Variants in TRPC4 observed in about 807,000 individuals in gnomAD.
The protein encoded by TRPC4 is transient receptor potential cation channel subfamily C member 4, also known as short transient receptor potential channel 4.
TRPC4 carries 49 observed loss-of-function variants against 99.4 expected under a neutral mutation model. The observed-to-expected ratio is 0.49, with a 90% CI of 0.39 to 0.63. The LOEUF (loss-of-function observed/expected upper bound fraction) is 0.63, where lower values mean the gene tolerates loss of function less well. Ranked by LOEUF, TRPC4 falls within the 20% of genes least tolerant of loss-of-function variation. TRPC4 has a pLI of 0.00. For synonymous variants in TRPC4, 454 were observed against 425.9 expected, an observed-to-expected ratio of 1.07 and a Z score of -0.81; for missense variants, 898 against 1,152.9, an observed-to-expected ratio of 0.78 and a Z score of 3.20.
Position 37,655,218 on chromosome 13 carries a change from T to C in TRPC4, c.1754A>G (p.Asn585Ser). 1 of 1,609,392 alleles carries C rather than the reference T, an allele frequency of 6.2e-7. No homozygotes were observed. Among genetic ancestry groups the C allele is most frequent in the Non-Finnish European group, 8.5e-7 (1 of 1,177,402 alleles). ...AGTAAATTCATGCTGTGCTTTGACA[T>C]TGGTCACATATAAATTGATGAGCCC... ...IFGLINLYVT[N>S]VKAQHEFTEF... Residue 585 changes from asparagine to serine, a missense_variant, in exon 7 of 11, where the codon AAT (asparagine) becomes AGT (serine). By Grantham distance (46) the Asn-to-Ser change is conservative (BLOSUM62 1). Coordinates refer to ENST00000379705, the MANE Select transcript of TRPC4 (RefSeq NM_016179.4).
intron 1 of TRPC4, among the ~76,000 whole-genome samples, chr13:37,817,610 G>A (rs189365905): frequency 1.9e-4 from 29 of 151,906 alleles, no homozygotes; most frequent in African/African-American, 5.3e-4. Flanking sequence ...CAAAGCAGGA[G>A]GCATCATGCT....
chr13:37,833,635 T>C (rs2139603428), intron 1 of TRPC4, among the ~76,000 whole-genome samples: 1 of 152,170 alleles, frequency 6.6e-6, no homozygotes, highest in East Asian at 1.9e-4. Context: ...CCTGCAAACC[T>C]AATTTTATGG....
At chr13:37,862,585 A>G (rs1959439236) in intron 1 of TRPC4, among the ~76,000 whole-genome samples, 1 of 151,640 alleles carries the variant, frequency 6.6e-6, no homozygotes, top group Non-Finnish European at 1.5e-5. Flanking sequence ...TACTCATTGT[A>G]ATATAATTTA....
At chr13:37,789,795 T>A (rs182214149) in intron 1 of TRPC4, among the ~76,000 whole-genome samples, 7 of 152,230 alleles carry the variant, frequency 4.6e-5, no homozygotes, top group East Asian at 1.9e-4. Context: ...GGCTAGCTCA[T>A]GGCTCAGAAA....
chr13:37,835,999 T>C (rs1475733390), intron 1 of TRPC4, among the ~76,000 whole-genome samples: 1 of 147,172 alleles, frequency 6.8e-6, no homozygotes, highest in Non-Finnish European at 1.5e-5. Context: ...AATTGAATCA[T>C]GGGGGCAAGT....
At chr13:37,651,507 G>A (rs1952041675) in intron 7 of TRPC4, 48 bp from the exon 8 acceptor site, 2 of 1,546,122 alleles carry the variant, frequency 1.3e-6, no homozygotes, top group South Asian at 2.2e-5. Flanking sequence ...TAATTAACAA[G>A]GTACCATAAA....
At chr13:37,691,654 A>T (rs1953716041) in intron 4 of TRPC4, among the ~76,000 whole-genome samples, 1 of 152,160 alleles carries the variant, frequency 6.6e-6, no homozygotes, top group Admixed American at 6.5e-5. Context: ...CTTTTAGAAG[A>T]CTTATCTATT....
At chr13:37,795,271 A>G (rs565848868) in intron 1 of TRPC4, among the ~76,000 whole-genome samples, 12 of 152,276 alleles carry the variant, frequency 7.9e-5, no homozygotes, top group Non-Finnish European at 1.3e-4. Flanking sequence ...CTGAGGATGT[A>G]AAGTCACATA....
intron 1 of TRPC4, among the ~76,000 whole-genome samples, chr13:37,813,303 CTTAAA>C (rs969798216): frequency 3.3e-5 from 5 of 151,478 alleles, no homozygotes; most frequent in African/African-American, 1.2e-4. Flanking sequence ...TGATATATAT[CTTAAA>C]TTAATATCAT....
chr13:37,708,267 A>G (rs111600038), intron 3 of TRPC4, among the ~76,000 whole-genome samples: 3 of 152,250 alleles, frequency 2.0e-5, no homozygotes, highest in African/African-American at 7.2e-5. Context: ...GCTCTTCTCT[A>G]GTGCTGGAAA....
chr13:37,865,300 C>T (rs1229397793), intron 1 of TRPC4, among the ~76,000 whole-genome samples: 1 of 151,420 alleles, frequency 6.6e-6, no homozygotes, highest in Non-Finnish European at 1.5e-5. Context: ...CTAACATGGC[C>T]TAGCATGACC....
In TRPC4 at chr13:37,799,005, C is replaced by T. The variant is rs150588755; in HGVS notation, c.-27-15645G>A. 4.6e-3 allele frequency among the ~76,000 whole-genome samples: 691 copies of T among 150,820 alleles called. 3 individuals carry two copies. The highest frequency in any genetic ancestry group is 0.016 in the African/African-American group (643 of 41,030). Reference sequence around the variant, plus strand: ...GGAATACAGTGGCGTGATCTCCGCTCACTGCAACCTCTGCCTCCTGGGTTC... The same window carrying T: ...GGAATACAGTGGCGTGATCTCCGCTTACTGCAACCTCTGCCTCCTGGGTTC... On this transcript the variant is annotated intron_variant, in intron 1 of 10. Coordinates refer to ENST00000379705, the MANE Select transcript of TRPC4 (RefSeq NM_016179.4).
At chr13:37,737,534 A>C (rs566394642) in intron 3 of TRPC4, among the ~76,000 whole-genome samples, 2 of 152,166 alleles carry the variant, frequency 1.3e-5, no homozygotes. Flanking sequence ...ATGCACTGGT[A>C]CAATCTTGGC....
chr13:37,765,900 T>C (rs1956351361), intron 2 of TRPC4, among the ~76,000 whole-genome samples: 1 of 151,466 alleles, frequency 6.6e-6, no homozygotes, highest in African/African-American at 2.4e-5. Context: ...AACGAACATG[T>C]ACTCAAATAA....
chr13:37,765,454 T>A (rs774758010), intron 2 of TRPC4, among the ~76,000 whole-genome samples: 10 of 151,464 alleles, frequency 6.6e-5, no homozygotes, highest in Non-Finnish European at 1.5e-4. Flanking sequence ...TTAATCCATG[T>A]GGAATTCAGC....
intron 8 of TRPC4, among the ~76,000 whole-genome samples, chr13:37,648,560 G>A (rs935182755): frequency 1.3e-5 from 2 of 151,388 alleles, no homozygotes; most frequent in Non-Finnish European, 2.9e-5. Context: ...AAAAAAAAAA[G>A]GAATGGTTTG....
chr13:37,664,484 G>A (rs1353222414), intron 5 of TRPC4, among the ~76,000 whole-genome samples: 4 of 152,004 alleles, frequency 2.6e-5, no homozygotes, highest in African/African-American at 7.3e-5. Context: ...TGAGGCAGGA[G>A]AATCACTTGA....
At chr13:37,659,615 G>T (rs983013748) in intron 6 of TRPC4, among the ~76,000 whole-genome samples, 1 of 152,018 alleles carries the variant, frequency 6.6e-6, no homozygotes, top group Non-Finnish European at 1.5e-5. Flanking sequence ...CTTTAAACAG[G>T]GTAGCCTCAG....
At chr13:37,805,435 C>T (rs909781317) in intron 1 of TRPC4, among the ~76,000 whole-genome samples, 1 of 151,872 alleles carries the variant, frequency 6.6e-6, no homozygotes, top group Admixed American at 6.6e-5. Context: ...TAGTAACCTA[C>T]TCTTTTAAAT....
Sources: gnomAD v4.1 joint callset for allele counts (sites outside exome capture counted in the v4.1 genomes callset) on GRCh38, gnomAD v4.1.1 for gene constraint, MANE v1.5 for transcripts, NCBI Gene and HGNC (gene_info 2026-07-23, HGNC 2026-07-21) for gene names.